The following ENOX2 variants were observed in gnomAD, a reference collection of about 807,000 sequenced individuals.
ENOX2 encodes APK1 antigen.
In ENOX2, 36 loss-of-function variants were observed where a neutral mutation model predicts 45.0. The observed-to-expected ratio is 0.80, with a 90% CI of 0.61 to 1.06. The LOEUF is 1.06. ENOX2 is among the 50% of genes least tolerant of loss of function. The probability of loss-of-function intolerance (pLI) is 0.00; values close to 1 mark genes in which losing one functional copy is unlikely to be tolerated. For missense variants in ENOX2, 423 were observed against 462.5 expected (o/e 0.91, Z 0.78); for synonymous variants, 174 against 152.3 (o/e 1.14, Z -1.05).
At chrX:130,849,768 A>G (rs1423007559) in intron 2 of ENOX2, among the ~76,000 whole-genome samples, 1 of 112,110 alleles carries the variant, frequency 8.9e-6, no homozygotes, top group Non-Finnish European at 1.9e-5. Context: ...GGCCTATCTT[A>G]TGATAGAGAT....
chrX:130,703,795 G>A (rs1335748872), intron 3 of ENOX2, among the ~76,000 whole-genome samples: 1 of 111,558 alleles, frequency 9.0e-6, no homozygotes, highest in African/African-American at 3.3e-5. Context: ...TTAGCTGAAT[G>A]ACAATTTTGG....
At chrX:130,667,215 C>T (rs1204489713) in intron 8 of ENOX2, among the ~76,000 whole-genome samples, 1 of 112,010 alleles carries the variant, frequency 8.9e-6, no homozygotes, top group Non-Finnish European at 1.9e-5. Flanking sequence ...GATGCTACAT[C>T]GTAACTTTAG....
chrX:130,783,403 T>C (rs762548386), intron 3 of ENOX2, 144 bp downstream of exon 3: 134 of 240,158 alleles, frequency 5.6e-4, no homozygotes, highest in South Asian at 5.6e-3. Flanking sequence ...AATCCCATAA[T>C]GAGTTCCATG....
chrX:130,707,482 G>C (rs1388361554), intron 3 of ENOX2, among the ~76,000 whole-genome samples: 2 of 103,899 alleles, frequency 1.9e-5, no homozygotes, highest in Non-Finnish European at 3.9e-5. Context: ...GTCAATCACT[G>C]TCAAAGTTAT....
At chrX:130,632,367 G>GGA (rs1407571851) in intron 12 of ENOX2, among the ~76,000 whole-genome samples, 2 of 46,511 alleles carry the variant, frequency 4.3e-5, no homozygotes, top group African/African-American at 7.7e-5. Flanking sequence ...GAAGGGGCGG[G>GGA]GGGGGGGGGT....
intron 13 of ENOX2, among the ~76,000 whole-genome samples, chrX:130,630,061 C>T (rs752584262): frequency 1.8e-5 from 2 of 111,283 alleles, no homozygotes; most frequent in East Asian, 2.8e-4. Context: ...GATGGAGGAA[C>T]TGAAGCTCAG....
At chrX:130,853,771 A>T (rs1029749918) in intron 2 of ENOX2, among the ~76,000 whole-genome samples, 1 of 110,959 alleles carries the variant, frequency 9.0e-6, no homozygotes, top group Non-Finnish European at 1.9e-5. Flanking sequence ...TCTATCAACC[A>T]GGGTGATGTC....
Position 130,773,481 on chromosome X carries a change from T to C in ENOX2, c.-39+10066A>G, listed in dbSNP as rs756111493. On this transcript the variant is annotated intron_variant, in intron 3 of 14. Coordinates refer to ENST00000394363, the MANE Select transcript of ENOX2 (RefSeq NM_006375.4). ...TCTATCTTACAGATTTCTTGGGAAGTTTGCTTGAGTTTATACATGTAAAGC... is the reference window on the plus strand; with the variant it reads ...TCTATCTTACAGATTTCTTGGGAAGCTTGCTTGAGTTTATACATGTAAAGC... 9.8e-5 allele frequency among the ~76,000 whole-genome samples: 11 copies of C among 112,400 alleles called. No homozygotes were observed. The South Asian group carries it at 4.1e-3, about 41-fold the overall frequency.
chrX:130,728,880 A>C (rs1202508208), intron 3 of ENOX2, among the ~76,000 whole-genome samples: 1 of 111,742 alleles, frequency 8.9e-6, no homozygotes, highest in Non-Finnish European at 1.9e-5. Flanking sequence ...TTAATATACA[A>C]AAATGAGTTA....
chrX:130,701,743 A>G (rs2037902328), intron 4 of ENOX2, among the ~76,000 whole-genome samples: 1 of 112,037 alleles, frequency 8.9e-6, no homozygotes, highest in Admixed American at 9.5e-5. Flanking sequence ...TGGCTCCTAC[A>G]GTAACATTCA....
chrX:130,654,568 G>A (rs763444088), intron 10 of ENOX2, among the ~76,000 whole-genome samples: 1 of 112,257 alleles, frequency 8.9e-6, no homozygotes, highest in East Asian at 2.8e-4. Context: ...GGCTCACAAT[G>A]AGCGGGATTT....
chrX:130,829,842 G>C (rs1488222624), intron 2 of ENOX2, among the ~76,000 whole-genome samples: 7 of 112,131 alleles, frequency 6.2e-5, no homozygotes, highest in Admixed American at 9.5e-5. Flanking sequence ...TCTGGCTTCA[G>C]AGTCTACATA....
At chrX:130,798,233 T>C (rs2077164995) in intron 2 of ENOX2, among the ~76,000 whole-genome samples, 1 of 111,465 alleles carries the variant, frequency 9.0e-6, no homozygotes, top group African/African-American at 3.3e-5. Context: ...CTGGGCAACA[T>C]AGCAAGACGT....
chrX:130,767,809 C>T lies in ENOX2; in HGVS notation c.-39+15738G>A, dbSNP rs143915317. ...GAAAACTGTGGAAGTGCACTGCATA[C>T]TTATTTAGCCAAAAGTTACTACTTA... On this transcript the variant is annotated intron_variant, in intron 3 of 14. Coordinates refer to ENST00000394363, the MANE Select transcript of ENOX2 (RefSeq NM_006375.4). Among the ~76,000 whole-genome samples the T allele has an allele frequency of 9.1e-3, 1,019 of 112,095 alleles. 8 individuals carry two copies. The highest frequency in any genetic ancestry group is 0.018 in the Middle Eastern group (4 of 217).
At chrX:130,900,181 T>A (rs1191106691) in intron 2 of ENOX2, among the ~76,000 whole-genome samples, 2 of 112,542 alleles carry the variant, frequency 1.8e-5, no homozygotes, top group Non-Finnish European at 3.7e-5. Context: ...TCAGTCTGAG[T>A]ATTACTTAGT....
chrX:130,879,172 A>G (rs1165728676), intron 2 of ENOX2, among the ~76,000 whole-genome samples: 3 of 111,633 alleles, frequency 2.7e-5, no homozygotes, highest in Non-Finnish European at 5.6e-5. Flanking sequence ...GAAAATGCCA[A>G]CCATGTTTGG....
intron 2 of ENOX2, among the ~76,000 whole-genome samples, chrX:130,785,120 G>A: frequency 9.2e-6 from 1 of 109,065 alleles, no homozygotes; most frequent in Non-Finnish European, 1.9e-5. Flanking sequence ...GAGGTCAGGA[G>A]TTCGAGACCA....
intron 3 of ENOX2, among the ~76,000 whole-genome samples, chrX:130,780,718 A>G (rs1480248937): frequency 8.9e-6 from 1 of 111,751 alleles, no homozygotes; most frequent in East Asian, 2.8e-4. Flanking sequence ...TTAGTACAAA[A>G]GGAAAGAGGC....
intron 3 of ENOX2, among the ~76,000 whole-genome samples, chrX:130,781,100 A>C (rs2039959213): frequency 8.9e-6 from 1 of 112,052 alleles, no homozygotes; most frequent in Non-Finnish European, 1.9e-5. Context: ...CAATATCACA[A>C]GATTGCTGCT....
Sources: gnomAD v4.1 joint callset for allele counts (sites outside exome capture counted in the v4.1 genomes callset) on GRCh38, gnomAD v4.1.1 for gene constraint, MANE v1.5 for transcripts, NCBI Gene and HGNC (gene_info 2026-07-23, HGNC 2026-07-21) for gene names.